ANXA5: variants seen among roughly 807,000 people sequenced by gnomAD.
The protein encoded by ANXA5 is CBP-I.
In ANXA5, 40 loss-of-function variants were observed where a neutral mutation model predicts 48.1. That is an observed-to-expected ratio of 0.83 (90% CI 0.65 to 1.08). ANXA5 has a LOEUF of 1.08. Ranked by LOEUF, ANXA5 falls within the 50% of genes least tolerant of loss-of-function variation. ANXA5 has a pLI of 0.00. For synonymous variants in ANXA5, 113 were observed against 129.1 expected (o/e 0.88, Z 0.85); for missense variants, 357 against 376.8 (o/e 0.95, Z 0.44).
intron 4 of ANXA5, among the ~76,000 whole-genome samples, chr4:121,684,189 TAAATAATTC>T (rs60784340): frequency 0.054 from 8,274 of 152,258 alleles, 473 homozygotes; most frequent in African/African-American, 0.15. Context: ...CATTTAAATT[TAAATAATTC>T]AAATAATTCA....
intron 3 of ANXA5, 119 bp downstream of exon 3, chr4:121,686,169 A>G (rs1273950129): frequency 1.3e-6 from 1 of 763,702 alleles, no homozygotes; most frequent in Non-Finnish European, 2.1e-6. Context: ...TTATCTTAAC[A>G]TATCTCTTCT....
At chr4:121,677,777 C>G (rs1489264501) in intron 8 of ANXA5, 117 bp downstream of exon 8, 1 of 900,830 alleles carries the variant, frequency 1.1e-6, no homozygotes, top group Non-Finnish European at 1.8e-6. Flanking sequence ...TGTAAATAAC[C>G]CATTAACAAG....
At chr4:121,694,439 C>G (rs1463120582) in intron 2 of ANXA5, among the ~76,000 whole-genome samples, 1 of 152,100 alleles carries the variant, frequency 6.6e-6, no homozygotes, top group African/African-American at 2.4e-5. Flanking sequence ...GGCTGGAGTG[C>G]AGCAGCGCGA....
In ANXA5 at chr4:121,671,615, C is replaced by T. The variant is rs759791586; in HGVS notation, c.653G>A (p.Gly218Glu). ...GTCAATGGTTTCCTCAATTTGAAAT[C>T]CTGATATAGTCATGTACTTGTCAAA... ...KVFDKYMTIS[G>E]FQIEETIDRE... The change falls in exon 10 of 13, where the codon GGA becomes GAA. Residue 218 changes from glycine to glutamate, a missense_variant. Transcript: ENST00000296511. 1 of 1,612,894 alleles carries T rather than the reference C, an allele frequency of 6.2e-7. No individual in the cohort carries two copies. The highest frequency in any genetic ancestry group is 1.1e-5 in the South Asian group (1 of 91,036).
At chr4:121,670,868 G>C (rs1237316663) in intron 10 of ANXA5, among the ~76,000 whole-genome samples, 1 of 152,094 alleles carries the variant, frequency 6.6e-6, no homozygotes, top group Admixed American at 6.6e-5. Flanking sequence ...GTCTCCTGAA[G>C]ACAGAGAGCA....
chr4:121,685,208 G>A (rs1283792166), intron 3 of ANXA5, among the ~76,000 whole-genome samples: 2 of 151,948 alleles, frequency 1.3e-5, no homozygotes, highest in Non-Finnish European at 2.9e-5. Context: ...TTGTGAAGTA[G>A]ATGGAAAAAT....
At position 121,668,427 on chromosome 4, in the gene ANXA5, G is replaced by C. The variant is rs1248491567; in HGVS notation, c.*41C>G. 6.3e-7 allele frequency: 1 copy of C among 1,586,304 alleles called. No individual in the cohort carries two copies. Among genetic ancestry groups the C allele is most frequent in the Non-Finnish European group, 8.7e-7 (1 of 1,155,022 alleles). ...AAAGGTGCTGAAGGAAGGCAGTGGG[G>C]TGGTGCAGGCACACAGCAGGGAGCT... On this transcript the variant is annotated 3_prime_UTR_variant, in exon 13 of 13. Transcript: ENST00000296511.
At chr4:121,675,221 T>A (rs1352397603) in intron 8 of ANXA5, among the ~76,000 whole-genome samples, 1 of 152,234 alleles carries the variant, frequency 6.6e-6, no homozygotes, top group African/African-American at 2.4e-5. Flanking sequence ...AAAAGTGGAT[T>A]ATCTACAAAA....
At chr4:121,683,249 C>T in intron 5 of ANXA5, 115 bp downstream of exon 5, 1 of 553,738 alleles carries the variant, frequency 1.8e-6, no homozygotes. Context: ...TGCCAAGCAA[C>T]TCTCACTGAA....
intron 2 of ANXA5, among the ~76,000 whole-genome samples, chr4:121,696,218 G>T (rs540272840): frequency 3.3e-5 from 5 of 152,214 alleles, no homozygotes; most frequent in Admixed American, 3.3e-4. Flanking sequence ...ACATGACCAC[G>T]ATGAGCTGTT....
intron 6 of ANXA5, among the ~76,000 whole-genome samples, chr4:121,678,734 G>T (rs1724742543): frequency 6.6e-6 from 1 of 152,180 alleles, no homozygotes; most frequent in Admixed American, 6.5e-5. Context: ...CAGCCATTTA[G>T]AAATTCTCTC....
intron 9 of ANXA5, among the ~76,000 whole-genome samples, chr4:121,672,181 C>T (rs758200915): frequency 2.0e-5 from 3 of 152,140 alleles, no homozygotes; most frequent in South Asian, 2.1e-4. Context: ...CCAACTGATA[C>T]CACAAGTGCT....
rs750662921 is a variant in ANXA5 at position 121,690,671 on chromosome 4, AC to A, written c.10-4300del. Among the ~76,000 whole-genome samples, 10 of 152,330 alleles carry A rather than the reference AC, an allele frequency of 6.6e-5. No individual in the cohort carries two copies. In the East Asian group the frequency reaches 7.7e-4, roughly 12 times the overall value. ...CAGGGAGAGGTTAGAAACAGAAGAGACATGAGGGATTTGCCTAAAGAAAAAA... is the reference window on the plus strand; with the variant it reads ...CAGGGAGAGGTTAGAAACAGAAGAGAATGAGGGATTTGCCTAAAGAAAAAA... On this transcript the variant is annotated intron_variant, in intron 2 of 12. Transcript: ENST00000296511.
intron 8 of ANXA5, 90 bp downstream of exon 8, chr4:121,677,804 A>C: frequency 8.9e-7 from 1 of 1,125,722 alleles, no homozygotes; most frequent in Non-Finnish European, 1.3e-6. Flanking sequence ...ACTAGAAGCT[A>C]TTACAACATA....
chr4:121,676,288 G>A (rs1446895142), intron 8 of ANXA5, among the ~76,000 whole-genome samples: 1 of 152,172 alleles, frequency 6.6e-6, no homozygotes, highest in East Asian at 1.9e-4. Flanking sequence ...GCCCTTTAAT[G>A]ATAGAGAAAA....
chr4:121,693,375 T>G (rs1239029529), intron 2 of ANXA5, among the ~76,000 whole-genome samples: 1 of 152,160 alleles, frequency 6.6e-6, no homozygotes, highest in Middle Eastern at 3.2e-3. Context: ...AAGAAGCACT[T>G]AAAGCAAAGG....
At chr4:121,695,756 G>T (rs557190471) in intron 2 of ANXA5, among the ~76,000 whole-genome samples, 106 of 152,150 alleles carry the variant, frequency 7.0e-4, no homozygotes, top group African/African-American at 2.4e-3. Flanking sequence ...TACAAAATTA[G>T]CTGGGCATGG....
chr4:121,686,474 A>C lies in ANXA5; in HGVS notation c.10-102T>G. ...TTGCTATATATCATATTCAGTCATT[A>C]AATAAATTTACCATTTGATAAGATT... is the stretch of plus-strand genomic sequence containing the variant. On this transcript the variant is annotated intron_variant, in intron 2 of 12. Coordinates refer to ENST00000296511, the MANE Select transcript of ANXA5 (RefSeq NM_001154.4). 1.6e-5 allele frequency: 13 copies of C among 832,754 alleles called. No homozygotes were observed. In the South Asian group the frequency reaches 2.0e-4, roughly 13 times the overall value. 51.6% of individuals were successfully genotyped at this position (832,754 alleles called of 1,614,324 possible).
intron 3 of ANXA5, among the ~76,000 whole-genome samples, chr4:121,686,029 CT>C (rs60663589): frequency 4.3e-4 from 61 of 140,332 alleles, no homozygotes; most frequent in African/African-American, 6.0e-4. Flanking sequence ...AATTTTTTTG[CT>C]TTTTTTTTTT....
Sources: allele counts gnomAD v4.1 joint callset (sites outside exome capture counted in the v4.1 genomes callset), GRCh38; gene constraint gnomAD v4.1.1; transcripts MANE v1.5; gene names NCBI Gene and HGNC (gene_info 2026-07-23, HGNC 2026-07-21).